TNKS: variants seen among roughly 807,000 people sequenced by gnomAD.
The protein encoded by TNKS is poly [ADP-ribose] polymerase tankyrase-1.
TNKS carries 72 observed loss-of-function variants against 135.8 expected under a neutral mutation model. That is an observed-to-expected ratio of 0.53 (90% confidence interval 0.44 to 0.64). The LOEUF is 0.64. Among genes scored for constraint, TNKS ranks in the 30% least tolerant of loss-of-function variants. The pLI, the probability that TNKS is intolerant of heterozygous loss-of-function variation, is 0.00. For missense variants in TNKS, 1,769 were observed against 1,674.0 expected (o/e 1.06, Z -0.99); for synonymous variants, 849 against 649.3 (o/e 1.31, Z -4.68).
intron 1 of TNKS, 68 bp from the exon 2 acceptor site, chr8:9,580,091 C>T: frequency 7.5e-7 from 1 of 1,330,490 alleles, no homozygotes; most frequent in Non-Finnish European, 1.1e-6. Context: ...GATATTGTTA[C>T]AGATATTCTA....
In TNKS at chr8:9,781,156, T is replaced by C. The variant is rs1210926334; in HGVS notation, c.*4420T>C. 6.6e-6 allele frequency: 1 copy of C among 152,226 alleles called. No individual in the cohort carries two copies. Among genetic ancestry groups the C allele is most frequent in the East Asian group, 1.9e-4 (1 of 5,202 alleles). 9.4% of individuals were successfully genotyped at this position (152,226 alleles called of 1,614,324 possible). On this transcript the variant is annotated 3_prime_UTR_variant, in exon 27 of 27. Transcript: ENST00000310430. Reference sequence around the variant, plus strand: ...GCCTCCTCTGAAATAACATTCGCACTGTAGATTGCATTTCGGCTTTTCCTC... The same window carrying C: ...GCCTCCTCTGAAATAACATTCGCACCGTAGATTGCATTTCGGCTTTTCCTC...
chr8:9,700,778 T>A (rs183734903), intron 5 of TNKS, among the ~76,000 whole-genome samples: 51 of 152,308 alleles, frequency 3.3e-4, no homozygotes, highest in Admixed American at 5.9e-4. Context: ...CCTGTCACTT[T>A]CTACCTTAAT....
rs2128840142 is a variant in TNKS, at chr8:9,770,360, A to G, written c.3897+98A>G. 2.4e-6 allele frequency: 3 copies of G among 1,239,092 alleles called. No individual in the cohort carries two copies. In the South Asian group the frequency reaches 4.5e-5, roughly 19 times the overall value. 76.8% of individuals were successfully genotyped at this position (1,239,092 alleles called of 1,614,324 possible). ...TGAGACACTTTTCAGTGAAATATCC[A>G]CCACACAGTGTGCTAGTATTAATTA... is the stretch of plus-strand genomic sequence containing the variant. On this transcript the variant is annotated intron_variant, in intron 26 of 26. Transcript: ENST00000310430.
chr8:9,564,102 A>G (rs1021373306), intron 1 of TNKS, among the ~76,000 whole-genome samples: 3 of 152,158 alleles, frequency 2.0e-5, no homozygotes. Flanking sequence ...ATAACCTATG[A>G]GACATTTTTT....
intron 1 of TNKS, among the ~76,000 whole-genome samples, chr8:9,562,965 T>A (rs1797395489): frequency 1.3e-5 from 2 of 152,160 alleles, no homozygotes; most frequent in Non-Finnish European, 2.9e-5. Context: ...GTTTCAGATC[T>A]TTTATTTCAG....
intron 2 of TNKS, among the ~76,000 whole-genome samples, chr8:9,586,811 A>G (rs1798398512): frequency 6.6e-6 from 1 of 151,110 alleles, no homozygotes; most frequent in African/African-American, 2.4e-5. Flanking sequence ...GTTTTGGGCT[A>G]ATAATATGCA....
intron 11 of TNKS, among the ~76,000 whole-genome samples, chr8:9,717,101 A>ATATATATATATATTTTTT (rs1454492300): frequency 4.2e-5 from 5 of 119,334 alleles, no homozygotes; most frequent in East Asian, 4.8e-4. Context: ...ATATATATAT[A>ATATATATATATATTTTTT]TTTTCAGGGA....
intron 3 of TNKS, among the ~76,000 whole-genome samples, chr8:9,663,237 C>T (rs1024630556): frequency 6.6e-6 from 1 of 152,174 alleles, no homozygotes; most frequent in Non-Finnish European, 1.5e-5. Flanking sequence ...TGTTTTAATT[C>T]ACTTAGTTTC....
At position 9,720,249 on chromosome 8, in the gene TNKS, A is replaced by G. The variant is rs139383204; in HGVS notation, c.1750-125A>G. ...ATCAGTGAGCAAAAGTTTATAATCA[A>G]TATCTATGAGACTTTTTAAAAGCTT... is the stretch of plus-strand genomic sequence containing the variant. On this transcript the variant is annotated intron_variant, in intron 11 of 26. Transcript: ENST00000310430. 910 of 880,392 alleles carry G rather than the reference A, an allele frequency of 1.0e-3. 3 individuals are homozygous for G. Among genetic ancestry groups the G allele is most frequent in the Non-Finnish European group, 1.4e-3 (854 of 619,834 alleles). The allele number at this position is 880,392 out of a possible 1,614,324, so 54.5% of individuals were successfully genotyped here. A position where few individuals can be genotyped will look rare whatever the true frequency, so the allele number is the denominator to read the frequency against.
At position 9,591,454 on chromosome 8, in the gene TNKS, T is replaced by C. The variant is rs923452937; in HGVS notation, c.898+11071T>C. On this transcript the variant is annotated intron_variant, in intron 2 of 26. Transcript: ENST00000310430. ...TTGGATGGATCCCTGAGAGTGGGATTGCTGGGTGGAATGCTAAGTGCACAT... is the reference window on the plus strand; with the variant it reads ...TTGGATGGATCCCTGAGAGTGGGATCGCTGGGTGGAATGCTAAGTGCACAT... Among the ~76,000 whole-genome samples the C allele has an allele frequency of 7.9e-4, 121 of 152,372 alleles. 2 individuals carry two copies. The highest frequency in any genetic ancestry group is 2.8e-3 in the African/African-American group (116 of 41,582).
chr8:9,672,445 C>G lies in TNKS; in HGVS notation c.995-7506C>G, dbSNP rs1585309786. On this transcript the variant is annotated intron_variant, in intron 3 of 26. Coordinates refer to ENST00000310430, the MANE Select transcript of TNKS (RefSeq NM_003747.3). Reference sequence around the variant, plus strand: ...CAGCTGTGCTGTGTAGCTGTGTACACTAAATGGGTCAAGTTTTGCTGCCAT... The same window carrying G: ...CAGCTGTGCTGTGTAGCTGTGTACAGTAAATGGGTCAAGTTTTGCTGCCAT... Among the ~76,000 whole-genome samples, 3 of 151,988 alleles carry G rather than the reference C, an allele frequency of 2.0e-5. No individual in the cohort carries two copies. The East Asian group carries it at 5.8e-4, about 29-fold the overall frequency.
chr8:9,628,806 C>G (rs1030797394), intron 3 of TNKS, among the ~76,000 whole-genome samples: 1 of 152,166 alleles, frequency 6.6e-6, no homozygotes, highest in East Asian at 1.9e-4. Flanking sequence ...GTCTGGATGT[C>G]TCAACCTTAA....
intron 17 of TNKS, among the ~76,000 whole-genome samples, chr8:9,745,707 T>C (rs1278471267): frequency 2.0e-5 from 3 of 152,130 alleles, no homozygotes; most frequent in Non-Finnish European, 4.4e-5. Flanking sequence ...ACCTGGCCTA[T>C]TTTTTGTTTT....
chr8:9,745,757 G>T (rs1489952662), intron 17 of TNKS, among the ~76,000 whole-genome samples: 1 of 152,146 alleles, frequency 6.6e-6, no homozygotes, highest in Admixed American at 6.5e-5. Context: ...AGCAAATGTG[G>T]AAGCTTTCCT....
chr8:9,666,719 TAAA>T (rs749333851), intron 3 of TNKS, among the ~76,000 whole-genome samples: 2 of 130,968 alleles, frequency 1.5e-5, no homozygotes, highest in African/African-American at 2.8e-5. Flanking sequence ...AGACTCTATC[TAAA>T]AAAAAAAAAA....
intron 25 of TNKS, among the ~76,000 whole-genome samples, chr8:9,767,175 ATAAT>A (rs1807502647): frequency 6.6e-6 from 1 of 152,248 alleles, no homozygotes; most frequent in Admixed American, 6.5e-5. Context: ...GGCAGGATAT[ATAAT>A]TAGCCTTGGC....
intron 3 of TNKS, among the ~76,000 whole-genome samples, chr8:9,650,207 T>G (rs1801092581): frequency 6.6e-6 from 1 of 152,132 alleles, no homozygotes; most frequent in East Asian, 1.9e-4. Context: ...CACAGTTTCT[T>G]TATCTGCTTG....
Position 9,556,762 on chromosome 8 carries a change from T to G in TNKS, c.673+150T>G. The G allele has an allele frequency of 7.0e-6, 5 of 709,942 alleles. No homozygotes were observed. In the South Asian group the frequency reaches 8.0e-5, roughly 11 times the overall value. 44.0% of individuals were successfully genotyped at this position (709,942 alleles called of 1,614,324 possible). ...CCAGAAGACTGGAGGTTCCTTTCTT[T>G]TGGTGGTGCCTGGGTGATGGGGGCG... On this transcript the variant is annotated intron_variant, in intron 1 of 26. Transcript: ENST00000310430.
intron 1 of TNKS, among the ~76,000 whole-genome samples, chr8:9,571,302 A>T (rs937142075): frequency 6.6e-6 from 1 of 152,212 alleles, no homozygotes; most frequent in Admixed American, 6.5e-5. Context: ...CTAAGTTCAC[A>T]TAGCAGAAAT....
Sources: allele counts gnomAD v4.1 joint callset (sites outside exome capture counted in the v4.1 genomes callset), GRCh38; gene constraint gnomAD v4.1.1; transcripts MANE v1.5; gene names NCBI Gene and HGNC (gene_info 2026-07-23, HGNC 2026-07-21).